The following LRBA variants were observed in gnomAD, a reference collection of about 807,000 sequenced individuals.
LRBA encodes the protein lipopolysaccharide-responsive and beige-like anchor protein.
A neutral mutation model predicts 330.0 loss-of-function variants in LRBA; 176 were observed. The observed-to-expected ratio is 0.53, with a 90% CI of 0.47 to 0.60. LRBA has a LOEUF of 0.60. Ranked by LOEUF, LRBA falls within the 20% of genes least tolerant of loss-of-function variation. The pLI is 0.00. For synonymous variants in LRBA, 1,230 were observed against 1,193.0 expected, an observed-to-expected ratio of 1.03 and a Z score of -0.64; for missense variants, 3,259 against 3,444.8, an observed-to-expected ratio of 0.95 and a Z score of 1.35.
At chr4:150,365,791 CAAAAAAAAAA>C (rs58972028) in intron 47 of LRBA, among the ~76,000 whole-genome samples, 2 of 91,690 alleles carry the variant, frequency 2.2e-5, no homozygotes, top group South Asian at 3.8e-4. Flanking sequence ...AACTCTGTCT[CAAAAAAAAAA>C]AAAAAAAAAA....
chr4:150,974,631 T>C (rs1005881826), intron 2 of LRBA, among the ~76,000 whole-genome samples: 3 of 152,198 alleles, frequency 2.0e-5, no homozygotes, highest in African/African-American at 4.8e-5. Flanking sequence ...AAGAACTGTA[T>C]AGCAGATAAA....
intron 40 of LRBA, among the ~76,000 whole-genome samples, chr4:150,558,446 G>T (rs183377799): frequency 2.6e-5 from 4 of 152,154 alleles, no homozygotes; most frequent in African/African-American, 9.6e-5. Context: ...AAATTATTTT[G>T]ACTTTGACTA....
chr4:150,421,418 G>A (rs1237009127), intron 46 of LRBA, among the ~76,000 whole-genome samples: 1 of 149,956 alleles, frequency 6.7e-6, no homozygotes, highest in Non-Finnish European at 1.5e-5. Context: ...CAAATAGAAT[G>A]TAAATGTTAT....
chr4:150,342,239 A>G (rs1206316211), intron 48 of LRBA, among the ~76,000 whole-genome samples: 1 of 152,144 alleles, frequency 6.6e-6, no homozygotes, highest in African/African-American at 2.4e-5. Context: ...GAGCCAAATC[A>G]AAATCAGCAG....
chr4:150,326,327 G>A (rs2126947639), intron 48 of LRBA, among the ~76,000 whole-genome samples: 1 of 152,260 alleles, frequency 6.6e-6, no homozygotes, highest in South Asian at 2.1e-4. Flanking sequence ...GAGGAAAAAA[G>A]AAACATAGCA....
At chr4:150,778,173 AT>A (rs1466682382) in intron 34 of LRBA, among the ~76,000 whole-genome samples, 1 of 152,098 alleles carries the variant, frequency 6.6e-6, no homozygotes, top group Non-Finnish European at 1.5e-5. Flanking sequence ...TAAAGGAAAG[AT>A]TTTATTCTAT....
intron 35 of LRBA, among the ~76,000 whole-genome samples, chr4:150,751,912 C>T (rs1733607328): frequency 6.6e-6 from 1 of 152,102 alleles, no homozygotes; most frequent in Admixed American, 6.6e-5. Flanking sequence ...CACATTTTCA[C>T]CAAGAGTTTT....
intron 28 of LRBA, among the ~76,000 whole-genome samples, chr4:150,842,504 C>T (rs1749240453): frequency 6.6e-6 from 1 of 152,044 alleles, no homozygotes; most frequent in Admixed American, 6.6e-5. Context: ...AAGTTATGGA[C>T]AATAGACTCA....
At chr4:150,969,914 G>A (rs191900133) in intron 2 of LRBA, among the ~76,000 whole-genome samples, 14 of 152,298 alleles carry the variant, frequency 9.2e-5, no homozygotes. Context: ...TCTGAAAGAA[G>A]TTCTACTGTT....
intron 40 of LRBA, among the ~76,000 whole-genome samples, chr4:150,504,120 T>G (rs1404684022): frequency 6.6e-6 from 1 of 152,180 alleles, no homozygotes; most frequent in Non-Finnish European, 1.5e-5. Context: ...ATCTGACTGG[T>G]GTACCTGAAA....
chr4:150,590,458 T>C (rs1268984154), intron 39 of LRBA, among the ~76,000 whole-genome samples: 4 of 152,162 alleles, frequency 2.6e-5, no homozygotes, highest in Non-Finnish European at 4.4e-5. Flanking sequence ...TTTTGTTCTT[T>C]TGTTGCTGCT....
At position 150,710,859 on chromosome 4, in the gene LRBA, C is replaced by T. The variant is rs115162486; in HGVS notation, c.5754+24399G>A. ...CCTTGTTTATTAGAACTACACTTTA[C>T]GTCTCTGCTTGCAAACTCAACATAT... On this transcript the variant is annotated intron_variant, in intron 36 of 56. Coordinates refer to ENST00000651943, the MANE Select transcript of LRBA (RefSeq NM_001364905.1). Among the ~76,000 whole-genome samples, 1,493 of 151,840 alleles carry T rather than the reference C, an allele frequency of 9.8e-3. 15 individuals are homozygous for T. Among genetic ancestry groups the T allele is most frequent in the Middle Eastern group, 0.017 (5 of 294 alleles).
intron 34 of LRBA, among the ~76,000 whole-genome samples, chr4:150,776,669 C>G (rs926358472): frequency 6.6e-6 from 1 of 151,766 alleles, no homozygotes; most frequent in Admixed American, 6.6e-5. Context: ...AAAAATTAGC[C>G]GGGCATGGTG....
chr4:150,940,205 A>T (rs1201197), intron 2 of LRBA, among the ~76,000 whole-genome samples: 15,064 of 150,542 alleles, frequency 0.1, 1,008 homozygotes, highest in South Asian at 0.26. Context: ...GGAGTTCAAG[A>T]CCAGGCTGGG....
chr4:150,595,653 G>A (rs561219871), intron 38 of LRBA, among the ~76,000 whole-genome samples: 26 of 151,778 alleles, frequency 1.7e-4, no homozygotes, highest in Admixed American at 5.9e-4. Flanking sequence ...TAAAATTCCC[G>A]TTATATTTAA....
intron 37 of LRBA, among the ~76,000 whole-genome samples, chr4:150,639,374 A>G (rs865974837): frequency 7.3e-4 from 96 of 131,652 alleles, no homozygotes; most frequent in Admixed American, 2.0e-3. Context: ...AAAAAAAAAG[A>G]AAAAAAAAAA....
chr4:150,295,755 A>C (rs554949973), intron 53 of LRBA, among the ~76,000 whole-genome samples: 18 of 152,374 alleles, frequency 1.2e-4, no homozygotes, highest in Admixed American at 6.5e-4. Context: ...TTAGCAATAC[A>C]AAGAGTGTAT....
At position 150,964,359 on chromosome 4, in the gene LRBA, G is replaced by A. The variant is rs543734452; in HGVS notation, c.217-35294C>T. ...CTCATTGAGAACGGGCCATGATGACGATGGCGGTTTTGTCGAATAGAAAAG... is the reference window on the plus strand; with the variant it reads ...CTCATTGAGAACGGGCCATGATGACAATGGCGGTTTTGTCGAATAGAAAAG... On this transcript the variant is annotated intron_variant, in intron 2 of 56. Coordinates refer to ENST00000651943, the MANE Select transcript of LRBA (RefSeq NM_001364905.1). Among the ~76,000 whole-genome samples, 14 of 149,904 alleles carry A rather than the reference G, an allele frequency of 9.3e-5. 1 individual carries two copies. In the South Asian group the frequency reaches 2.7e-3, roughly 29 times the overall value.
chr4:150,705,815 T>C (rs1785561594), intron 36 of LRBA, among the ~76,000 whole-genome samples: 1 of 151,996 alleles, frequency 6.6e-6, no homozygotes, highest in Non-Finnish European at 1.5e-5. Context: ...CATATATATA[T>C]ACTTCAGATC....
Sources: gnomAD v4.1 joint callset for allele counts (sites outside exome capture counted in the v4.1 genomes callset) on GRCh38, gnomAD v4.1.1 for gene constraint, MANE v1.5 for transcripts, NCBI Gene and HGNC (gene_info 2026-07-23, HGNC 2026-07-21) for gene names.